The following SHANK2 variants were observed in gnomAD, a reference collection of about 807,000 sequenced individuals.
The protein encoded by SHANK2 is SH3 and multiple ankyrin repeat domains 2, also known as SH3 and multiple ankyrin repeat domains protein 2.
In SHANK2, 43 loss-of-function variants were observed where a neutral mutation model predicts 133.7. The observed-to-expected ratio is 0.32, with a 90% CI of 0.25 to 0.41. SHANK2 has a LOEUF of 0.41. Among genes scored for constraint, SHANK2 ranks in the 10% least tolerant of loss-of-function variants. The pLI is 1.00. For missense variants in SHANK2, 1,994 were observed against 2,235.8 expected (o/e 0.89, Z 2.18); for synonymous variants, 1,017 against 952.8 (o/e 1.07, Z -1.24).
rs61610592 is a variant in SHANK2 at position 70,815,175 on chromosome 11, AACACACACACACACACACACACAC to A, written c.1493+5165_1493+5188del. 5.6e-3 allele frequency among the ~76,000 whole-genome samples: 676 copies of A among 119,714 alleles called. 2 individuals carry two copies. Among genetic ancestry groups the A allele is most frequent in the Middle Eastern group, 0.017 (4 of 238 alleles). The allele number at this position is 119,714 out of a possible 152,430, so 78.5% of individuals were successfully genotyped here. On this transcript the variant is annotated intron_variant, in intron 12 of 25. Coordinates refer to ENST00000601538, the MANE Select transcript of SHANK2 (RefSeq NM_012309.5). ...GCACCTTTAGGAGGATGGGAGAAGA[AACACACACACACACACACACACAC>A]ACACACACACACACACACACACACA...
rs2058789086 is a variant in SHANK2, at chr11:70,485,527, G to T, written c.4766C>A (p.Ala1589Asp). The T allele has an allele frequency of 6.2e-7, 1 of 1,613,080 alleles. No homozygotes were observed. Among genetic ancestry groups the T allele is most frequent in the South Asian group, 1.1e-5 (1 of 91,094 alleles). ...GAGAACCTTGGCCATCCCAGGCTGG[G>T]CACTGCCCGGCGGGGGCGGGGGAGC... ...PPAPPPPPGS[A>D]QPGMAKVLQP... Residue 1589 changes from alanine to aspartate, a missense_variant, in exon 25 of 26, where the codon GCC becomes GAC. Ala to Asp is a moderately radical substitution (Grantham distance 126). Around this residue, in one of 5 missense-constraint regions of SHANK2, gnomAD observed 797 missense variants for 907.4 expected, o/e 0.88. Coordinates refer to ENST00000601538, the MANE Select transcript of SHANK2 (RefSeq NM_012309.5). This position sits in a 1 kb window ranked among gnomAD's most constrained non-coding sequence, Gnocchi z 5.8.
At chr11:71,096,693 G>C (rs1555095510) in intron 6 of SHANK2, among the ~76,000 whole-genome samples, 2 of 152,178 alleles carry the variant, frequency 1.3e-5, no homozygotes, top group Non-Finnish European at 2.9e-5. Context: ...CACTCGTTCG[G>C]GGCAAGGTTA....
At position 70,488,788 on chromosome 11, in the gene SHANK2, T is replaced by C. The variant is rs2058847438; in HGVS notation, c.2572+540A>G. On this transcript the variant is annotated intron_variant, in intron 24 of 25. Coordinates refer to ENST00000601538, the MANE Select transcript of SHANK2 (RefSeq NM_012309.5). ...AGTGTGGCTGACCTGGCACAAAGTA[T>C]GAGTTGACCTAATGAAAATATGTGG... 3.3e-5 allele frequency among the ~76,000 whole-genome samples: 5 copies of C among 152,306 alleles called. No individual in the cohort carries two copies. In the South Asian group the frequency reaches 1.0e-3, roughly 32 times the overall value.
At chr11:70,797,401 G>C (rs1332642914) in intron 14 of SHANK2, among the ~76,000 whole-genome samples, 1 of 152,198 alleles carries the variant, frequency 6.6e-6, no homozygotes, top group Non-Finnish European at 1.5e-5. Flanking sequence ...CCTGAGCAGG[G>C]ACTCATCAGC....
At chr11:70,705,723 T>C (rs1555024753) in intron 14 of SHANK2, 1 of 152,200 alleles carries the variant, frequency 6.6e-6, no homozygotes, top group East Asian at 1.9e-4. Context: ...TCCCAGTCAG[T>C]GCTGGGATCA....
chr11:70,923,581 T>A (rs1252348538), intron 10 of SHANK2, among the ~76,000 whole-genome samples: 1 of 152,030 alleles, frequency 6.6e-6, no homozygotes, highest in Non-Finnish European at 1.5e-5. Context: ...TCCCACTCTA[T>A]CGCCCAGGCT....
chr11:71,190,876 T>C (rs781921568), intron 2 of SHANK2, among the ~76,000 whole-genome samples: 4 of 151,950 alleles, frequency 2.6e-5, no homozygotes, highest in Admixed American at 6.5e-5. Context: ...GAGAAGGCCA[T>C]TGTGAAGCTT....
rs1229507425 is a variant in SHANK2 at position 70,569,432 on chromosome 11, C to T, written c.2062-66501G>A. Among the ~76,000 whole-genome samples, 3 of 152,124 alleles carry T rather than the reference C, an allele frequency of 2.0e-5. No homozygotes were observed. Among genetic ancestry groups the T allele is most frequent in the African/African-American group, 7.2e-5 (3 of 41,444 alleles). ...AGGGCCTGGGTCCTGAGGGAGAAGG[C>T]GGCTCGTAGGCTGCTGTGCTGGGCA... On this transcript the variant is annotated intron_variant, in intron 17 of 25. Coordinates refer to ENST00000601538, the MANE Select transcript of SHANK2 (RefSeq NM_012309.5). This position sits in a 1 kb window ranked among gnomAD's most constrained non-coding sequence, Gnocchi z 5.1.
At chr11:70,608,671 C>T (rs781932567) in intron 17 of SHANK2, among the ~76,000 whole-genome samples, 4 of 152,236 alleles carry the variant, frequency 2.6e-5, no homozygotes, top group Non-Finnish European at 5.9e-5. Context: ...CTCAGGGCCT[C>T]TCTCCCTGCT....
rs1223897755 is a variant in SHANK2, at chr11:71,058,348, T to C, written c.1030-1790A>G. On this transcript the variant is annotated intron_variant, in intron 9 of 25. Coordinates refer to ENST00000601538, the MANE Select transcript of SHANK2 (RefSeq NM_012309.5). ...CAAATAACTACTAATAAAAAGGCAG[T>C]GGTAGAATGTTGACGTAGCCAATAA... Among the ~76,000 whole-genome samples, 9 of 152,138 alleles carry C rather than the reference T, an allele frequency of 5.9e-5. 1 individual carries two copies. Among genetic ancestry groups the C allele is most frequent in the African/African-American group, 2.2e-4 (9 of 41,498 alleles).
At chr11:70,632,692 A>G (rs2061011381) in intron 17 of SHANK2, among the ~76,000 whole-genome samples, 1 of 151,948 alleles carries the variant, frequency 6.6e-6, no homozygotes, top group African/African-American at 2.4e-5. Context: ...CGCCCTGAGC[A>G]CTCGGTGGAT....
intron 13 of SHANK2, among the ~76,000 whole-genome samples, chr11:70,800,272 G>T (rs1948016042): frequency 6.6e-6 from 1 of 152,150 alleles, no homozygotes; most frequent in African/African-American, 2.4e-5. Context: ...GCAATCACCT[G>T]CCTCCACCTC....
In SHANK2 at chr11:70,584,948, T is replaced by G. The variant is rs979983591; in HGVS notation, c.2061+74880A>C. Among the ~76,000 whole-genome samples, 5 of 152,244 alleles carry G rather than the reference T, an allele frequency of 3.3e-5. No individual in the cohort carries two copies. The South Asian group carries it at 1.0e-3, about 31-fold the overall frequency. On this transcript the variant is annotated intron_variant, in intron 17 of 25. Coordinates refer to ENST00000601538, the MANE Select transcript of SHANK2 (RefSeq NM_012309.5). ...GAGTGGCAGTGCTGGCACGGTCTGG[T>G]GCATGCTGGTGCCTGAGATCGTCAG... is the stretch of plus-strand genomic sequence containing the variant.
chr11:70,811,942 T>C (rs868912578), intron 12 of SHANK2, among the ~76,000 whole-genome samples: 2 of 152,342 alleles, frequency 1.3e-5, no homozygotes, highest in Non-Finnish European at 2.9e-5. Flanking sequence ...GCTGAACACT[T>C]ACTATCCATC....
intron 10 of SHANK2, among the ~76,000 whole-genome samples, chr11:70,951,987 A>G (rs1950851743): frequency 6.6e-6 from 1 of 152,248 alleles, no homozygotes; most frequent in African/African-American, 2.4e-5. Context: ...GACATCTGCA[A>G]AGGCCCTAGT....
At chr11:70,657,550 G>A (rs2061419129) in intron 17 of SHANK2, among the ~76,000 whole-genome samples, 1 of 152,194 alleles carries the variant, frequency 6.6e-6, no homozygotes, top group Non-Finnish European at 1.5e-5. Context: ...CCAGGATCGT[G>A]CAAGGGTCCA....
rs577081294 is a variant in SHANK2 at position 70,760,141 on chromosome 11, C to T, written c.1777+38302G>A. On this transcript the variant is annotated intron_variant, in intron 14 of 25. Transcript: ENST00000601538. ...GCCTCCACCCCAGGTGAACATGGGA[C>T]GCATGTAACACGCATGTGTGCTCAG... is the stretch of plus-strand genomic sequence containing the variant. 1.8e-4 allele frequency among the ~76,000 whole-genome samples: 27 copies of T among 152,348 alleles called. No individual in the cohort carries two copies. The South Asian group carries it at 2.9e-3, about 16-fold the overall frequency.
At position 70,919,470 on chromosome 11, in the gene SHANK2, C is replaced by T. The variant is rs369421412; in HGVS notation, c.1108-22903G>A. Among the ~76,000 whole-genome samples the T allele has an allele frequency of 3.4e-4, 52 of 152,114 alleles. 1 individual carries two copies. The East Asian group carries it at 5.2e-3, about 15-fold the overall frequency. On this transcript the variant is annotated intron_variant, in intron 10 of 25. Coordinates refer to ENST00000601538, the MANE Select transcript of SHANK2 (RefSeq NM_012309.5). ...GATCTCGGCTCACTGCAACCTCCGC[C>T]TCCCAGGTTCTAAGCAATTCTCCTG...
intron 1 of SHANK2, among the ~76,000 whole-genome samples, chr11:71,229,981 C>T (rs1012861582): frequency 3.9e-5 from 6 of 152,086 alleles, no homozygotes; most frequent in African/African-American, 1.4e-4. Context: ...TGATGATGAA[C>T]ACAATTCCAG....
Sources: allele counts gnomAD v4.1 joint callset (sites outside exome capture counted in the v4.1 genomes callset), GRCh38; gene constraint gnomAD v4.1.1; regional missense constraint gnomAD v4.1.1; non-coding constraint Gnocchi (gnomAD v3.1); transcripts MANE v1.5; gene names NCBI Gene and HGNC (gene_info 2026-07-23, HGNC 2026-07-21).